PPP1R37: variants seen among roughly 807,000 people sequenced by gnomAD.
PPP1R37 encodes the protein protein phosphatase 1 regulatory subunit 37, also known as leucine rich repeat containing 68.
PPP1R37 carries 21 observed loss-of-function variants against 61.0 expected under a neutral mutation model. The ratio of observed to expected loss-of-function variants is 0.34; its 90% CI spans 0.24 to 0.50. PPP1R37 has a LOEUF of 0.50. PPP1R37 is among the 20% of genes least tolerant of loss of function. The pLI is 0.98. For missense variants in PPP1R37, 910 were observed against 952.7 expected, an observed-to-expected ratio of 0.96 and a Z score of 0.59; for synonymous variants, 443 against 433.5, an observed-to-expected ratio of 1.02 and a Z score of -0.27.
At position 45,145,009 on chromosome 19, in the gene PPP1R37, C is replaced by T. The variant is rs999579040; in HGVS notation, c.1129+14C>T. ...TCACGTGCGAGGGTAGGGTACGGGG[C>T]CGGGCCAGGGTGCGGGCTGGTGGGC... On this transcript the variant is annotated intron_variant, in intron 9 of 12. Transcript: ENST00000221462. 80 of 1,531,350 alleles carry T rather than the reference C, an allele frequency of 5.2e-5. No individual in the cohort carries two copies. The highest frequency in any genetic ancestry group is 6.7e-5 in the Non-Finnish European group (77 of 1,144,592). 94.9% of individuals were successfully genotyped at this position (1,531,350 alleles called of 1,614,324 possible). A position where few individuals can be genotyped will look rare whatever the true frequency, so the allele number is the denominator to read the frequency against.
In PPP1R37 at chr19:45,141,423, C is replaced by T. The variant is rs946390173; in HGVS notation, c.549C>T (p.Ala183=). The T allele has an allele frequency of 1.4e-5, 21 of 1,535,744 alleles. No homozygotes were observed. Among genetic ancestry groups the T allele is most frequent in the East Asian group, 4.9e-5 (2 of 40,886 alleles). The change falls in exon 5 of 13, where the codon GCC becomes GCT. Residue 183 remains alanine (A), a synonymous_variant. Transcript: ENST00000221462. ...KHIGTRGWQA[A]AHMMRKTSCL... ...TCGGCACCCGGGGCTGGCAGGCGGCCGCCCACATGATGCGCAAGGTGGGCG... is the reference window on the plus strand; with the variant it reads ...TCGGCACCCGGGGCTGGCAGGCGGCTGCCCACATGATGCGCAAGGTGGGCG...
In PPP1R37 at chr19:45,138,519, A is replaced by T; in HGVS notation, c.208A>T (p.Asn70Tyr). 6.5e-7 allele frequency: 1 copy of T among 1,535,806 alleles called. No homozygotes were observed. Among genetic ancestry groups the T allele is most frequent in the Non-Finnish European group, 8.7e-7 (1 of 1,146,684 alleles). ...TGGGTCCCCTGTGCCTGCAGCCCAG[A>T]ATGTGACCGTGGACGAGGTCATCGG... Reference protein sequence around the residue: ...EPKDPWRHAQNVTVDEVIGAY... With the variant: ...EPKDPWRHAQYVTVDEVIGAY... The change falls in exon 2 of 13, where the codon AAT (asparagine) becomes TAT (tyrosine). Residue 70 changes from asparagine (N) to tyrosine (Y), a missense_variant. By Grantham distance (143) the Asn-to-Tyr change is moderately radical. Coordinates refer to ENST00000221462, the MANE Select transcript of PPP1R37 (RefSeq NM_019121.2).
intron 8 of PPP1R37, chr19:45,144,588 G>T: frequency 2.1e-6 from 1 of 485,536 alleles, no homozygotes. Flanking sequence ...CTGGCCAGGG[G>T]CCCAGGCTGT....
rs1313463762 is a variant in PPP1R37, at chr19:45,144,907, C to T, written c.1041C>T (p.Asn347=). The T allele has an allele frequency of 1.3e-6, 2 of 1,535,656 alleles. No homozygotes were observed. The highest frequency in any genetic ancestry group is 2.0e-5 in the Admixed American group (1 of 50,972). Reference sequence around the variant, plus strand: ...ACCTGGGCCACAACCCCATCGGGAACGAGGGTGTGCGGCACCTCAAGAACG... The same window carrying T: ...ACCTGGGCCACAACCCCATCGGGAATGAGGGTGTGCGGCACCTCAAGAACG... ...TLNLGHNPIG[N]EGVRHLKNGL... Residue 347 remains asparagine, a synonymous_variant, in exon 9 of 13, where the codon AAC becomes AAT. Coordinates refer to ENST00000221462, the MANE Select transcript of PPP1R37 (RefSeq NM_019121.2).
intron 2 of PPP1R37, among the ~76,000 whole-genome samples, chr19:45,138,960 C>T (rs73562275): frequency 0.16 from 20,384 of 128,974 alleles, 1,783 homozygotes; most frequent in African/African-American, 0.28. Flanking sequence ...GTCTCCCAGG[C>T]TGGAGTACAG....
At chr19:45,131,935 G>T (rs1182769628) in intron 1 of PPP1R37, among the ~76,000 whole-genome samples, 2 of 152,170 alleles carry the variant, frequency 1.3e-5, no homozygotes, top group Non-Finnish European at 2.9e-5. Flanking sequence ...GTCCCTTTCA[G>T]GGAGGGAAAG....
chr19:45,126,622 C>A (rs890855435), intron 1 of PPP1R37, among the ~76,000 whole-genome samples: 1 of 152,200 alleles, frequency 6.6e-6, no homozygotes, highest in African/African-American at 2.4e-5. Context: ...ATAAGTGTTT[C>A]TTTTCTCTTT....
In PPP1R37 at chr19:45,093,491, T is replaced by C; in HGVS notation, c.166T>C (p.Ser56Pro). Residue 56 changes from serine (S) to proline (P), a missense_variant, in exon 1 of 13, where the codon TCT becomes CCT. Transcript: ENST00000221462. ...VTFPSDEDIV[S>P]GAVEPKDPWR... ...ATTCCCGTCCGACGAGGATATCGTG[T>C]CTGGAGCAGTGGAGCCCAAAGACCC... 6.5e-7 allele frequency: 1 copy of C among 1,535,298 alleles called. No homozygotes were observed. The highest frequency in any genetic ancestry group is 8.7e-7 in the Non-Finnish European group (1 of 1,146,620).
intron 1 of PPP1R37, among the ~76,000 whole-genome samples, chr19:45,111,776 G>A (rs779521380): frequency 6.6e-6 from 1 of 151,958 alleles, no homozygotes; most frequent in African/African-American, 2.4e-5. Flanking sequence ...ATTTTTTGCG[G>A]GGGGCGGGGG....
chr19:45,144,615 C>T (rs887966890), intron 8 of PPP1R37: 1 of 530,724 alleles, frequency 1.9e-6, no homozygotes. Flanking sequence ...TAGGGACTGA[C>T]TGGGTGCCTG....
chr19:45,145,155 G>C lies in PPP1R37; in HGVS notation c.1191G>C (p.Arg397=), dbSNP rs903496231. 14 of 1,535,098 alleles carry C rather than the reference G, an allele frequency of 9.1e-6. No individual in the cohort carries two copies. In the Admixed American group the frequency reaches 2.6e-4, roughly 28 times the overall value. Residue 397 remains arginine, a synonymous_variant, in exon 10 of 13, where the codon CGG becomes CGC. Coordinates refer to ENST00000221462, the MANE Select transcript of PPP1R37 (RefSeq NM_019121.2). ...CCCGCCTCCTGAGACTGGACCTTCG[G>C]GAGAACGAGATCAAGACAGGCGGGC... ...ESPRLLRLDL[R]ENEIKTGGLM... is the part of the protein sequence containing the mutation.
At chr19:45,120,997 T>C (rs545413309) in intron 1 of PPP1R37, among the ~76,000 whole-genome samples, 29 of 152,338 alleles carry the variant, frequency 1.9e-4, no homozygotes, top group Non-Finnish European at 3.1e-4. Flanking sequence ...TTCTCATCTC[T>C]AAGCGTCCCC....
chr19:45,119,873 G>A (rs1246884533), intron 1 of PPP1R37, among the ~76,000 whole-genome samples: 3 of 152,190 alleles, frequency 2.0e-5, no homozygotes, highest in Non-Finnish European at 4.4e-5. Context: ...CGCCCCAGGA[G>A]GGGCTTTAGG....
intron 1 of PPP1R37, among the ~76,000 whole-genome samples, chr19:45,120,644 T>C (rs1190690129): frequency 6.6e-6 from 1 of 152,180 alleles, no homozygotes; most frequent in Non-Finnish European, 1.5e-5. Flanking sequence ...TTACTTTTTT[T>C]TGAGATGGAG....
At chr19:45,119,413 A>G (rs1011652975) in intron 1 of PPP1R37, among the ~76,000 whole-genome samples, 4 of 152,142 alleles carry the variant, frequency 2.6e-5, no homozygotes, top group Non-Finnish European at 5.9e-5. Context: ...TTGGCCTCCC[A>G]AAGTGCTGGG....
chr19:45,097,469 C>A (rs1475297988), intron 1 of PPP1R37, among the ~76,000 whole-genome samples: 1 of 151,856 alleles, frequency 6.6e-6, no homozygotes, highest in African/African-American at 2.4e-5. Flanking sequence ...TTCAGCAGAG[C>A]CTCACCCCTG....
intron 1 of PPP1R37, among the ~76,000 whole-genome samples, chr19:45,127,673 A>G (rs1968423984): frequency 6.6e-6 from 1 of 152,170 alleles, no homozygotes; most frequent in African/African-American, 2.4e-5. Context: ...GAGATTCAAC[A>G]TAAAGAAATG....
At chr19:45,127,159 G>C (rs751224678) in intron 1 of PPP1R37, among the ~76,000 whole-genome samples, 17 of 152,154 alleles carry the variant, frequency 1.1e-4, no homozygotes, top group Non-Finnish European at 2.4e-4. Flanking sequence ...AGACCAGCCT[G>C]ACCAACCTGG....
At chr19:45,140,393 G>C in intron 3 of PPP1R37, 112 bp downstream of exon 3, 2 of 1,069,594 alleles carry the variant, frequency 1.9e-6, no homozygotes, top group East Asian at 7.3e-5. Flanking sequence ...GCTGAGCTCA[G>C]CCAGGGCAGG....
Sources: gnomAD v4.1 joint callset for allele counts (sites outside exome capture counted in the v4.1 genomes callset) on GRCh38, gnomAD v4.1.1 for gene constraint, MANE v1.5 for transcripts, NCBI Gene and HGNC (gene_info 2026-07-23, HGNC 2026-07-21) for gene names.